Variants in FTO observed in about 807,000 individuals in gnomAD.
The protein encoded by FTO is FTO alpha-ketoglutarate dependent dioxygenase, also known as alpha-ketoglutarate-dependent dioxygenase FTO.
Under a neutral mutation model 63.9 loss-of-function variants are expected in FTO, and 47 were observed. The observed-to-expected ratio is 0.74, with a 90% CI of 0.58 to 0.94. The LOEUF is 0.94. FTO is among the 40% of genes least tolerant of loss of function. The pLI is 0.00. For missense variants in FTO, 562 were observed against 618.1 expected, an observed-to-expected ratio of 0.91 and a Z score of 0.96; for synonymous variants, 207 against 224.4, an observed-to-expected ratio of 0.92 and a Z score of 0.69.
intron 8 of FTO, among the ~76,000 whole-genome samples, chr16:53,947,407 T>C (rs2082675267): frequency 6.6e-6 from 1 of 152,216 alleles, no homozygotes; most frequent in Admixed American, 6.5e-5. Context: ...ATCTGCAAAG[T>C]GTGAGATAGA....
At chr16:53,963,710 GCATCATGCAT>G (rs2083134488) in intron 8 of FTO, among the ~76,000 whole-genome samples, 1 of 152,166 alleles carries the variant, frequency 6.6e-6, no homozygotes. Context: ...GTGGATGCCA[GCATCATGCAT>G]CCTGTACAGC....
At chr16:53,729,462 C>T (rs1394276453) in intron 1 of FTO, among the ~76,000 whole-genome samples, 2 of 129,706 alleles carry the variant, frequency 1.5e-5, no homozygotes, top group African/African-American at 5.8e-5. Flanking sequence ...GAGATCTCGC[C>T]ACTGCACTCC....
In FTO at chr16:53,822,708, T is replaced by C. The variant is rs2078901319; in HGVS notation, c.124-3156T>C. 2.0e-5 allele frequency among the ~76,000 whole-genome samples: 3 copies of C among 152,160 alleles called. No individual in the cohort carries two copies. In the South Asian group the frequency reaches 6.2e-4, roughly 32 times the overall value. On this transcript the variant is annotated intron_variant, in intron 2 of 8. Coordinates refer to ENST00000471389, the MANE Select transcript of FTO (RefSeq NM_001080432.3). ...GTGTGTATATGTGTGTGTGTATATATATATATGCATACATATTTTAATAAT... is the reference window on the plus strand; with the variant it reads ...GTGTGTATATGTGTGTGTGTATATACATATATGCATACATATTTTAATAAT...
intron 8 of FTO, among the ~76,000 whole-genome samples, chr16:53,954,900 A>G (rs961863791): frequency 3.3e-5 from 5 of 152,062 alleles, no homozygotes; most frequent in African/African-American, 1.2e-4. Flanking sequence ...TTAGAGTAGC[A>G]GAGATGGGAC....
At chr16:54,000,965 T>G (rs949529511) in intron 8 of FTO, among the ~76,000 whole-genome samples, 7 of 152,214 alleles carry the variant, frequency 4.6e-5, no homozygotes, top group Non-Finnish European at 1.5e-5. Flanking sequence ...TTTATTTCTC[T>G]GGGCCCCATT....
At chr16:53,929,684 T>C (rs2082233783) in intron 7 of FTO, among the ~76,000 whole-genome samples, 1 of 152,212 alleles carries the variant, frequency 6.6e-6, no homozygotes, top group African/African-American at 2.4e-5. Context: ...AAAACTTAAA[T>C]GCTATTTTAG....
At chr16:54,086,429 T>C (rs2081967876) in intron 8 of FTO, among the ~76,000 whole-genome samples, 1 of 152,232 alleles carries the variant, frequency 6.6e-6, no homozygotes, top group Non-Finnish European at 1.5e-5. Context: ...GAGGAATTTA[T>C]GGTGAAAATG....
At chr16:54,029,323 G>A (rs955308578) in intron 8 of FTO, among the ~76,000 whole-genome samples, 17 of 152,206 alleles carry the variant, frequency 1.1e-4, no homozygotes, top group African/African-American at 4.1e-4. Context: ...GACTCCAGGT[G>A]TAATTATGTA....
chr16:53,848,933 T>G (rs1598818328), intron 4 of FTO, among the ~76,000 whole-genome samples: 1 of 152,226 alleles, frequency 6.6e-6, no homozygotes, highest in East Asian at 1.9e-4. Context: ...TCTATTTACA[T>G]TTGTTTCTTA....
intron 1 of FTO, among the ~76,000 whole-genome samples, chr16:53,742,851 G>T (rs762781335): frequency 6.6e-6 from 1 of 152,166 alleles, no homozygotes; most frequent in Non-Finnish European, 1.5e-5. Context: ...CCTTGAGTGG[G>T]TTATAGTTTG....
At chr16:53,894,419 C>A (rs186776662) in intron 7 of FTO, among the ~76,000 whole-genome samples, 1 of 152,116 alleles carries the variant, frequency 6.6e-6, no homozygotes, top group Non-Finnish European at 1.5e-5. Flanking sequence ...AGATTAAATT[C>A]TTTAAAACTG....
intron 7 of FTO, among the ~76,000 whole-genome samples, chr16:53,929,920 C>T (rs936297717): frequency 2.0e-4 from 30 of 152,168 alleles, no homozygotes; most frequent in African/African-American, 7.2e-4. Flanking sequence ...GGGAAGTGCA[C>T]CCACAATGTG....
intron 1 of FTO, among the ~76,000 whole-genome samples, chr16:53,748,468 A>G (rs773263783): frequency 1.6e-4 from 25 of 151,830 alleles, no homozygotes; most frequent in Non-Finnish European, 3.7e-4. Context: ...TTATTTATTT[A>G]TTTAGAGACA....
chr16:53,895,418 G>A (rs1411731861), intron 7 of FTO, among the ~76,000 whole-genome samples: 1 of 152,162 alleles, frequency 6.6e-6, no homozygotes, highest in Non-Finnish European at 1.5e-5. Context: ...GATTCTCTTT[G>A]AAGTGTTTTT....
intron 8 of FTO, among the ~76,000 whole-genome samples, chr16:54,023,699 C>T (rs1013074193): frequency 1.3e-5 from 2 of 152,200 alleles, no homozygotes; most frequent in African/African-American, 2.4e-5. Context: ...CTGGGAACTT[C>T]GTGCGATTTC....
At chr16:53,709,436 T>C (rs946992584) in intron 1 of FTO, among the ~76,000 whole-genome samples, 1 of 152,204 alleles carries the variant, frequency 6.6e-6, no homozygotes, top group Non-Finnish European at 1.5e-5. Flanking sequence ...AGGGGATTCA[T>C]ACCCCGTGCC....
chr16:53,942,598 G>A (rs771124919), intron 8 of FTO, among the ~76,000 whole-genome samples: 3 of 152,208 alleles, frequency 2.0e-5, no homozygotes, highest in Admixed American at 6.5e-5. Flanking sequence ...CAGTCTGTAG[G>A]CAGCTGTTTT....
intron 3 of FTO, among the ~76,000 whole-genome samples, chr16:53,837,971 C>T (rs1274088566): frequency 3.3e-5 from 5 of 152,178 alleles, no homozygotes; most frequent in African/African-American, 1.2e-4. Flanking sequence ...CTTGCAAGTC[C>T]ATGCCATTCA....
At chr16:53,863,702 G>A (rs1330918291) in intron 4 of FTO, among the ~76,000 whole-genome samples, 4 of 152,184 alleles carry the variant, frequency 2.6e-5, no homozygotes, top group African/African-American at 7.2e-5. Flanking sequence ...TAGAATGCTC[G>A]CTACAGAGGC....
Sources: allele counts gnomAD v4.1 joint callset (sites outside exome capture counted in the v4.1 genomes callset), GRCh38; gene constraint gnomAD v4.1.1; transcripts MANE v1.5; gene names NCBI Gene and HGNC (gene_info 2026-07-23, HGNC 2026-07-21).